Variants in KCNIP4 observed in about 807,000 individuals in gnomAD.
KCNIP4 encodes Kv channel-interacting protein 4.
Under a neutral mutation model 34.0 loss-of-function variants are expected in KCNIP4, and 12 were observed. That is an observed-to-expected ratio of 0.35 (90% confidence interval 0.23 to 0.57). The LOEUF (loss-of-function observed/expected upper bound fraction) is 0.57, where lower values mean the gene tolerates loss of function less well. Among genes scored for constraint, KCNIP4 ranks in the 20% least tolerant of loss-of-function variants. KCNIP4 has a pLI of 0.83. For missense variants in KCNIP4, 238 were observed against 311.7 expected (o/e 0.76, Z 1.78); for synonymous variants, 124 against 102.2 (o/e 1.21, Z -1.29).
intron 1 of KCNIP4, among the ~76,000 whole-genome samples, chr4:21,287,744 T>G (rs1443471497): frequency 6.6e-6 from 1 of 152,190 alleles, no homozygotes; most frequent in Non-Finnish European, 1.5e-5. Flanking sequence ...TTCTGAAACC[T>G]ACATAAAGAC....
rs1005676481 is a variant in KCNIP4 at position 21,333,917 on chromosome 4, C to T, written c.62-451208G>A. 1.6e-4 allele frequency among the ~76,000 whole-genome samples: 24 copies of T among 152,092 alleles called. No homozygotes were observed. The East Asian group carries it at 4.2e-3, about 27-fold the overall frequency. On this transcript the variant is annotated intron_variant, in intron 1 of 8. Coordinates refer to ENST00000382152, the MANE Select transcript of KCNIP4 (RefSeq NM_025221.6). ...TGCAAAAACTTCGGAAATTTTTATA[C>T]CACTACTCTATCATAGCACTTTAGT...
chr4:21,507,816 A>G (rs546194938), intron 1 of KCNIP4, among the ~76,000 whole-genome samples: 1 of 152,320 alleles, frequency 6.6e-6, no homozygotes, highest in South Asian at 2.1e-4. Flanking sequence ...TAAGAAGCAA[A>G]TACATCCTAA....
chr4:20,757,981 T>TA (rs1333214683), intron 4 of KCNIP4, among the ~76,000 whole-genome samples: 3 of 152,178 alleles, frequency 2.0e-5, no homozygotes, highest in African/African-American at 7.2e-5. Context: ...TAATCACAGT[T>TA]ATACTTGAGT....
intron 1 of KCNIP4, among the ~76,000 whole-genome samples, chr4:21,360,822 G>C (rs557712480): frequency 6.6e-6 from 1 of 151,924 alleles, no homozygotes. Context: ...TTGCCTAAAC[G>C]GTCATGTTTA....
At chr4:21,807,303 C>G (rs554972918) in intron 1 of KCNIP4, among the ~76,000 whole-genome samples, 1 of 152,192 alleles carries the variant, frequency 6.6e-6, no homozygotes, top group Admixed American at 6.5e-5. Flanking sequence ...TGCGACTCGT[C>G]CATGGCCTGA....
rs143326565 is a variant in KCNIP4 at position 20,793,170 on chromosome 4, A to T, written c.289-34280T>A. Among the ~76,000 whole-genome samples the T allele has an allele frequency of 4.5e-3, 688 of 152,288 alleles. 7 individuals carry two copies. Among genetic ancestry groups the T allele is most frequent in the African/African-American group, 0.016 (646 of 41,572 alleles). ...CATCTTTAAACTAGAATCGTCCTAA[A>T]TGTCCATTTACAGGTGAATGGATAA... On this transcript the variant is annotated intron_variant, in intron 3 of 8. Coordinates refer to ENST00000382152, the MANE Select transcript of KCNIP4 (RefSeq NM_025221.6).
intron 1 of KCNIP4, among the ~76,000 whole-genome samples, chr4:21,532,501 C>G (rs1315151483): frequency 6.6e-6 from 1 of 152,058 alleles, no homozygotes; most frequent in Non-Finnish European, 1.5e-5. Context: ...GCTGAAAGAC[C>G]ACAGTGGGAA....
intron 1 of KCNIP4, among the ~76,000 whole-genome samples, chr4:21,234,640 A>C (rs1480965740): frequency 6.9e-6 from 1 of 145,228 alleles, no homozygotes; most frequent in East Asian, 2.0e-4. Context: ...ATATAACATA[A>C]GAATATATAT....
chr4:20,837,686 A>ATATT (rs1350419753), intron 3 of KCNIP4, among the ~76,000 whole-genome samples: 117 of 117,392 alleles, frequency 1.0e-3, no homozygotes, highest in African/African-American at 3.2e-3. Flanking sequence ...ATATATATAT[A>ATATT]TTTTTTTTTC....
intron 1 of KCNIP4, among the ~76,000 whole-genome samples, chr4:21,195,200 G>A (rs1286467216): frequency 6.6e-6 from 1 of 152,124 alleles, no homozygotes; most frequent in African/African-American, 2.4e-5. Flanking sequence ...AGGAGCTGTG[G>A]GCATCACCCA....
chr4:21,247,865 T>TACAC lies in KCNIP4; in HGVS notation c.62-365160_62-365157dup, dbSNP rs546614225. 3.2e-4 allele frequency among the ~76,000 whole-genome samples: 39 copies of TACAC among 122,426 alleles called. 1 individual carries two copies. The highest frequency in any genetic ancestry group is 4.7e-4 in the African/African-American group (14 of 29,520). 80.3% of individuals were successfully genotyped at this position (122,426 alleles called of 152,430 possible). On this transcript the variant is annotated intron_variant, in intron 1 of 8. Coordinates refer to ENST00000382152, the MANE Select transcript of KCNIP4 (RefSeq NM_025221.6). ...ACAGGTGGAGATATATATATATATA[T>TACAC]ACACACACACACACACACCACAGGT...
At chr4:21,557,274 A>G (rs1415526048) in intron 1 of KCNIP4, among the ~76,000 whole-genome samples, 1 of 152,194 alleles carries the variant, frequency 6.6e-6, no homozygotes, top group Non-Finnish European at 1.5e-5. Flanking sequence ...TAATGTAATT[A>G]CTTTGACTAT....
Position 20,882,590 on chromosome 4 carries a change from A to AC in KCNIP4, c.163+17dup, listed in dbSNP as rs1553911094. On this transcript the variant is annotated intron_variant, in intron 2 of 8. Transcript: ENST00000382152. ...CAAGAGTTTCGGAGGAAAAAAAAAA[A>AC]CAAAAAAACAAACTTGCTTTGAATA... is the stretch of plus-strand genomic sequence containing the variant. The AC allele has an allele frequency of 1.3e-6, 2 of 1,589,200 alleles. No homozygotes were observed. The highest frequency in any genetic ancestry group is 1.1e-5 in the South Asian group (1 of 90,396).
chr4:21,940,056 G>A (rs1363394612), intron 1 of KCNIP4, among the ~76,000 whole-genome samples: 1 of 152,114 alleles, frequency 6.6e-6, no homozygotes, highest in African/African-American at 2.4e-5. Flanking sequence ...AGAAGTTATA[G>A]CTCACTTGAA....
chr4:20,953,307 CTGTT>C (rs1284679572), intron 1 of KCNIP4, among the ~76,000 whole-genome samples: 1 of 152,154 alleles, frequency 6.6e-6, no homozygotes, highest in African/African-American at 2.4e-5. Flanking sequence ...TAGTATCTGT[CTGTT>C]TGACTTCATA....
rs923375081 is a variant in KCNIP4, at chr4:21,929,618, G to A, written c.61+18953C>T. Among the ~76,000 whole-genome samples, 35 of 151,982 alleles carry A rather than the reference G, an allele frequency of 2.3e-4. 1 individual carries two copies. Among genetic ancestry groups the A allele is most frequent in the Admixed American group, 2.2e-3 (33 of 15,254 alleles). On this transcript the variant is annotated intron_variant, in intron 1 of 8. Coordinates refer to ENST00000382152, the MANE Select transcript of KCNIP4 (RefSeq NM_025221.6). ...TTTTCCTGCTAAACAAAATGAACCC[G>A]CCAGTAGTTACTCCCAAGAACTGCT...
At chr4:21,144,487 G>GA (rs1752207757) in intron 1 of KCNIP4, among the ~76,000 whole-genome samples, 1 of 152,124 alleles carries the variant, frequency 6.6e-6, no homozygotes, top group Admixed American at 6.5e-5. Context: ...CTAAACCCCT[G>GA]ACCCTGGTAT....
chr4:21,508,585 G>T (rs1009637467), intron 1 of KCNIP4, among the ~76,000 whole-genome samples: 1 of 152,124 alleles, frequency 6.6e-6, no homozygotes, highest in South Asian at 2.1e-4. Context: ...TCCCACTGTT[G>T]GTTGAAGCTA....
At chr4:21,071,658 T>C (rs1014273427) in intron 1 of KCNIP4, among the ~76,000 whole-genome samples, 20 of 152,190 alleles carry the variant, frequency 1.3e-4, no homozygotes, top group Admixed American at 1.1e-3. Context: ...TTTTTTAAAT[T>C]ATACTTTAAG....
Sources: allele counts gnomAD v4.1 joint callset (sites outside exome capture counted in the v4.1 genomes callset), GRCh38; gene constraint gnomAD v4.1.1; transcripts MANE v1.5; gene names NCBI Gene and HGNC (gene_info 2026-07-23, HGNC 2026-07-21).